The following TMEM232 variants were observed in gnomAD, a reference collection of about 807,000 sequenced individuals.
TMEM232 encodes the protein transmembrane protein 232.
Under a neutral mutation model 78.8 loss-of-function variants are expected in TMEM232, and 80 were observed. That is an observed-to-expected ratio of 1.01 (90% CI 0.85 to 1.22). TMEM232 has a LOEUF of 1.22. TMEM232 is among the 50% of genes most tolerant of loss of function. TMEM232 has a pLI of 0.00. For synonymous variants in TMEM232, 297 were observed against 254.3 expected, an observed-to-expected ratio of 1.17 and a Z score of -1.60; for missense variants, 881 against 742.2, an observed-to-expected ratio of 1.19 and a Z score of -2.17.
chr5:110,688,022 T>C (rs1056712968), intron 1 of TMEM232, among the ~76,000 whole-genome samples: 1 of 152,130 alleles, frequency 6.6e-6, no homozygotes, highest in African/African-American at 2.4e-5. Context: ...GTCTCTTAAG[T>C]ATGAAGGCTT....
Position 110,640,894 on chromosome 5 carries a change from C to A in TMEM232, c.340G>T (p.Asp114Tyr). The change falls in exon 4 of 14, where the codon GAT (aspartate) becomes TAT (tyrosine). Residue 114 changes from aspartate to tyrosine, a missense_variant. Coordinates refer to ENST00000455884, the MANE Select transcript of TMEM232 (RefSeq NM_001039763.4). Reference sequence around the variant, plus strand: ...AATAAGAATTTAAAGTACGTACCATCTTGGATTTCCCCTTTGCATTGAGCC... The same window carrying A: ...AATAAGAATTTAAAGTACGTACCATATTGGATTTCCCCTTTGCATTGAGCC... ...YLAQCKGEIQ[D>Y]ESLNMLYASL... 6.6e-7 allele frequency: 1 copy of A among 1,524,314 alleles called. No homozygotes were observed. Among genetic ancestry groups the A allele is most frequent in the South Asian group, 1.3e-5 (1 of 78,220 alleles). The allele number at this position is 1,524,314 out of a possible 1,614,324, so 94.4% of individuals were successfully genotyped here.
intron 12 of TMEM232, among the ~76,000 whole-genome samples, chr5:110,507,995 C>T (rs960360425): frequency 1.3e-5 from 2 of 152,166 alleles, no homozygotes; most frequent in African/African-American, 4.8e-5. Flanking sequence ...GTTGACTTGT[C>T]AGCCAACTGT....
chr5:110,634,837 A>C (rs182134184), intron 5 of TMEM232, among the ~76,000 whole-genome samples: 174 of 152,136 alleles, frequency 1.1e-3, no homozygotes, highest in Non-Finnish European at 2.1e-3. Context: ...GATGACAAAT[A>C]ATAAAGATCA....
chr5:110,536,595 A>G (rs1036451272), intron 11 of TMEM232, among the ~76,000 whole-genome samples: 2 of 152,238 alleles, frequency 1.3e-5, no homozygotes, highest in African/African-American at 2.4e-5. Flanking sequence ...GAGTGAACTC[A>G]CACACATTTC....
intron 2 of TMEM232, among the ~76,000 whole-genome samples, chr5:110,407,964 A>T (rs1222236276): frequency 6.6e-6 from 1 of 152,152 alleles, no homozygotes; most frequent in Non-Finnish European, 1.5e-5. Flanking sequence ...ATTAAACAGC[A>T]TGCTCCTGAA....
intron 2 of TMEM232, among the ~76,000 whole-genome samples, chr5:110,399,445 C>T (rs1055517610): frequency 1.3e-5 from 2 of 152,014 alleles, no homozygotes; most frequent in African/African-American, 4.8e-5. Context: ...ATGCTTAATC[C>T]CTTTGGGAGA....
intron 2 of TMEM232, among the ~76,000 whole-genome samples, chr5:110,409,742 T>G (rs559241460): frequency 6.6e-6 from 1 of 152,288 alleles, no homozygotes; most frequent in South Asian, 2.1e-4. Context: ...CTTTGGATGA[T>G]TTTGCCCTTT....
chr5:110,579,792 A>G (rs1375180769), intron 10 of TMEM232, among the ~76,000 whole-genome samples: 3 of 151,790 alleles, frequency 2.0e-5, no homozygotes, highest in East Asian at 3.9e-4. Context: ...ACATGTAACA[A>G]AATGGCAATA....
chr5:110,724,730 T>G (rs1328272897), intron 1 of TMEM232, among the ~76,000 whole-genome samples: 1 of 152,212 alleles, frequency 6.6e-6, no homozygotes, highest in African/African-American at 2.4e-5. Flanking sequence ...ATTCACCAAA[T>G]AGTTAAATGA....
intron 12 of TMEM232, among the ~76,000 whole-genome samples, chr5:110,430,970 C>A (rs1757770798): frequency 6.6e-6 from 1 of 151,612 alleles, no homozygotes; most frequent in East Asian, 1.9e-4. Context: ...GAGCATTTAT[C>A]CTTTTATTTT....
At chr5:110,516,340 A>G (rs980498540) in intron 12 of TMEM232, among the ~76,000 whole-genome samples, 2 of 152,210 alleles carry the variant, frequency 1.3e-5, no homozygotes, top group African/African-American at 4.8e-5. Context: ...TTAGTTGTTT[A>G]TAAGATTTTA....
intron 5 of TMEM232, chr5:110,387,448 A>C (rs1489214580): frequency 2.0e-5 from 3 of 152,156 alleles, no homozygotes; most frequent in Non-Finnish European, 4.4e-5. Context: ...TCATAGAGAA[A>C]ATTTTATTTA....
At chr5:110,522,222 G>C (rs1769631994) in intron 12 of TMEM232, among the ~76,000 whole-genome samples, 1 of 151,936 alleles carries the variant, frequency 6.6e-6, no homozygotes, top group South Asian at 2.1e-4. Context: ...CTATCGTATA[G>C]CTCACTGTTA....
At chr5:110,475,833 C>CAGCAAACA (rs1410961181) in intron 12 of TMEM232, among the ~76,000 whole-genome samples, 1 of 151,880 alleles carries the variant, frequency 6.6e-6, no homozygotes, top group Non-Finnish European at 1.5e-5. Context: ...AAAAAAAGTA[C>CAGCAAACA]AGCAAACAAT....
chr5:110,697,704 T>C lies in TMEM232; in HGVS notation c.-13+28923A>G, dbSNP rs938545262. Reference sequence around the variant, plus strand: ...CAACAGACACATAAAAAAATGCTCATCATCACTGGCCATCAGAGAAATGCA... The same window carrying C: ...CAACAGACACATAAAAAAATGCTCACCATCACTGGCCATCAGAGAAATGCA... On this transcript the variant is annotated intron_variant, in intron 1 of 13. Transcript: ENST00000455884. 4.6e-5 allele frequency among the ~76,000 whole-genome samples: 7 copies of C among 152,264 alleles called. No individual in the cohort carries two copies. The East Asian group carries it at 1.2e-3, about 25-fold the overall frequency.
At chr5:110,694,581 A>T (rs1002363428) in intron 1 of TMEM232, among the ~76,000 whole-genome samples, 7 of 152,202 alleles carry the variant, frequency 4.6e-5, no homozygotes, top group Admixed American at 3.9e-4. Context: ...AGAGATACAC[A>T]TAGGCTCAAA....
Position 110,706,648 on chromosome 5 carries a change from A to G in TMEM232, c.-13+19979T>C, listed in dbSNP as rs544297479. ...CAAATTCTCAAGAATTATTAAAAGT[A>G]CATCACATTGAATATTCTTCCACCC... On this transcript the variant is annotated intron_variant, in intron 1 of 13. Transcript: ENST00000455884. Among the ~76,000 whole-genome samples, 23 of 152,290 alleles carry G rather than the reference A, an allele frequency of 1.5e-4. No homozygotes were observed. In the South Asian group the frequency reaches 4.6e-3, roughly 30 times the overall value.
intron 12 of TMEM232, among the ~76,000 whole-genome samples, chr5:110,519,269 C>T (rs1769149610): frequency 6.6e-6 from 1 of 152,110 alleles, no homozygotes. Context: ...TGTAGCCGTA[C>T]ATGTGCATTT....
Position 110,698,536 on chromosome 5 carries a change from C to T in TMEM232, c.-13+28091G>A, listed in dbSNP as rs140744913. Among the ~76,000 whole-genome samples, 59 of 152,180 alleles carry T rather than the reference C, an allele frequency of 3.9e-4. 1 individual carries two copies. In the East Asian group the frequency reaches 0.011, roughly 28 times the overall value. On this transcript the variant is annotated intron_variant, in intron 1 of 13. Coordinates refer to ENST00000455884, the MANE Select transcript of TMEM232 (RefSeq NM_001039763.4). ...GCAGAATTCCAGCCAGATTCAGGGA[C>T]ACACAGGACTCATCTTAAGGAACTC...
Sources: gnomAD v4.1 joint callset for allele counts (sites outside exome capture counted in the v4.1 genomes callset) on GRCh38, gnomAD v4.1.1 for gene constraint, MANE v1.5 for transcripts, NCBI Gene and HGNC (gene_info 2026-07-23, HGNC 2026-07-21) for gene names.